Variants in WDR86 observed in about 807,000 individuals in gnomAD.
The protein encoded by WDR86 is WD repeat-containing protein 86.
In WDR86, 30 loss-of-function variants were observed where a neutral mutation model predicts 36.5. The observed-to-expected ratio is 0.82, with a 90% CI of 0.61 to 1.11. The LOEUF (loss-of-function observed/expected upper bound fraction) is 1.11, where lower values mean the gene tolerates loss of function less well. Among genes scored for constraint, WDR86 ranks in the 50% most tolerant of loss-of-function variants. WDR86 has a pLI of 0.00. For synonymous variants in WDR86, 255 were observed against 252.9 expected (o/e 1.01, Z -0.08); for missense variants, 545 against 561.2 (o/e 0.97, Z 0.29).
At chr7:151,374,230 A>G, downstream of WDR86, 1 of 1,556,030 alleles carries the variant, frequency 6.4e-7, no homozygotes, top group Non-Finnish European at 8.7e-7. Flanking sequence ...GGGAACTTGG[A>G]TGAGGCCCTG....
At chr7:151,376,618 C>G (rs763418062), downstream of WDR86, 47 of 1,596,114 alleles carry the variant, frequency 2.9e-5, no homozygotes, top group Non-Finnish European at 3.8e-5. Flanking sequence ...GCTGTGACCC[C>G]TGCGCTCTCC....
intron 2 of WDR86, among the ~76,000 whole-genome samples, chr7:151,397,753 T>G (rs1259647352): frequency 1.0e-5 from 1 of 98,664 alleles, no homozygotes; most frequent in Non-Finnish European, 2.1e-5. Context: ...GAAGAGGGTG[T>G]AGCGGGAGGA....
chr7:151,398,371 CATGTGT>C (rs1006304868), intron 2 of WDR86, among the ~76,000 whole-genome samples: 4 of 151,752 alleles, frequency 2.6e-5, no homozygotes, highest in African/African-American at 4.8e-5. Context: ...TATGTGTGCA[CATGTGT>C]ATGTGTAAGT....
chr7:151,408,753 C>G (rs1800938844), intron 1 of WDR86: 1 of 392,882 alleles, frequency 2.5e-6, no homozygotes, highest in Non-Finnish European at 5.3e-6. Context: ...GAAGGTGCAC[C>G]CGAGGCACAC....
rs891598389 is a variant in WDR86, at chr7:151,409,320, G to C, written c.163+107C>G. 15 of 1,483,132 alleles carry C rather than the reference G, an allele frequency of 1.0e-5. No individual in the cohort carries two copies. In the African/African-American group the frequency reaches 1.5e-4, roughly 15 times the overall value. The allele number at this position is 1,483,132 out of a possible 1,614,324, so 91.9% of individuals were successfully genotyped here. On this transcript the variant is annotated intron_variant, in intron 1 of 5. Coordinates refer to ENST00000334493, the MANE Select transcript of WDR86 (RefSeq NM_198285.3). The surrounding 1 kb of genome is among the most constrained non-coding windows in gnomAD (Gnocchi z 5.2). ...CTTCCGCTAGTGTGCCGGGATGAGC[G>C]GGGGCTGGACTTCTAGAAAGGGGTC...
intron 2 of WDR86, among the ~76,000 whole-genome samples, chr7:151,396,514 G>C (rs1293925190): frequency 6.6e-6 from 1 of 152,180 alleles, no homozygotes; most frequent in African/African-American, 2.4e-5. Context: ...GGATGGGGGA[G>C]GAGGTAGGGG....
At chr7:151,395,205 G>C (rs868406078) in intron 3 of WDR86, among the ~76,000 whole-genome samples, 136 of 152,276 alleles carry the variant, frequency 8.9e-4, no homozygotes, top group Middle Eastern at 3.4e-3. Context: ...GGCTGCCGGC[G>C]TTCACCCTGA....
chr7:151,406,689 G>A lies in WDR86; in HGVS notation c.163+2738C>T, dbSNP rs1203012259. On this transcript the variant is annotated intron_variant, in intron 1 of 5. Transcript: ENST00000334493. The surrounding 1 kb of genome is among the most constrained non-coding windows in gnomAD (Gnocchi z 4.4). ...TGGACAAGTCCTGCCACCGCACCAC[G>A]CCTCGAGGGATGTTGGCGACAGCAC... Among the ~76,000 whole-genome samples the A allele has an allele frequency of 2.6e-5, 4 of 152,070 alleles. No individual in the cohort carries two copies. The highest frequency in any genetic ancestry group is 6.6e-5 in the Admixed American group (1 of 15,266).
At chr7:151,379,319 G>A (rs1798449746), downstream of WDR86, among the ~76,000 whole-genome samples, 2 of 152,160 alleles carry the variant, frequency 1.3e-5, no homozygotes, top group African/African-American at 2.4e-5. Flanking sequence ...GGCAGCCCAT[G>A]CCAGCACAAT....
At position 151,409,541 on chromosome 7, in the gene WDR86, C is replaced by T. The variant is rs1225623310; in HGVS notation, c.49G>A (p.Gly17Ser). Residue 17 changes from glycine (G) to serine (S), a missense_variant, in exon 1 of 6, where the codon GGC becomes AGC. Gly to Ser is a moderately conservative substitution (Grantham distance 56). Transcript: ENST00000334493. This position sits in a 1 kb window ranked among gnomAD's most constrained non-coding sequence, Gnocchi z 5.2. ...ALRVCADHRGGINWLSLSPDG... is the reference protein window; with the variant it reads ...ALRVCADHRGSINWLSLSPDG... ...GGGCTCAGGCTCAGCCAGTTGATGC[C>T]CCCGCGGTGGTCGGCGCAGACCCTC... The T allele has an allele frequency of 1.3e-6, 2 of 1,520,718 alleles. No homozygotes were observed. The highest frequency in any genetic ancestry group is 2.0e-5 in the Admixed American group (1 of 50,198). 94.2% of individuals were successfully genotyped at this position (1,520,718 alleles called of 1,614,324 possible).
rs202041167 is a variant in WDR86, at chr7:151,401,748, T to G, written c.164-1507A>C. Among the ~76,000 whole-genome samples the G allele has an allele frequency of 6.9e-4, 105 of 151,310 alleles. No individual in the cohort carries two copies. In the East Asian group the frequency reaches 0.018, roughly 26 times the overall value. ...AGATTATCCTAGATTATCCGGGGGG[T>G]CCTAAATACAACCGCAAGTGGCCAG... On this transcript the variant is annotated intron_variant, in intron 1 of 5. Transcript: ENST00000334493. This position sits in a 1 kb window ranked among gnomAD's most constrained non-coding sequence, Gnocchi z 4.3.
intron 3 of WDR86, 26 bp downstream of exon 3, chr7:151,395,750 C>T (rs1367305495): frequency 6.6e-7 from 1 of 1,526,242 alleles, no homozygotes; most frequent in East Asian, 2.5e-5. Context: ...CCCCTGGCTG[C>T]TGGGCGGGGA....
chr7:151,404,300 C>G (rs1391113627), intron 1 of WDR86, among the ~76,000 whole-genome samples: 1 of 152,238 alleles, frequency 6.6e-6, no homozygotes, highest in Non-Finnish European at 1.5e-5. Flanking sequence ...TGTGGCAGAG[C>G]CTGGCACTGA....
In WDR86 at chr7:151,381,560, C is replaced by CT. The variant is rs1395067526; in HGVS notation, c.*21_*22insA. On this transcript the variant is annotated 3_prime_UTR_variant, in exon 6 of 6. Coordinates refer to ENST00000334493, the MANE Select transcript of WDR86 (RefSeq NM_198285.3). This position sits in a 1 kb window ranked among gnomAD's most constrained non-coding sequence, Gnocchi z 4.8. Reference sequence around the variant, plus strand: ...GGGAGCCGCTGGGTGTCTGGGCTGGCGTCTGCAGGGGCCCCGCGGGATCAG... The same window carrying CT: ...GGGAGCCGCTGGGTGTCTGGGCTGGCTGTCTGCAGGGGCCCCGCGGGATCAG... The CT allele has an allele frequency of 2.9e-6, 4 of 1,381,212 alleles. No individual in the cohort carries two copies. The South Asian group carries it at 6.6e-5, about 23-fold the overall frequency. The allele number at this position is 1,381,212 out of a possible 1,614,324, so 85.6% of individuals were successfully genotyped here.
downstream of WDR86, chr7:151,377,911 G>C (rs1798378009): frequency 6.6e-6 from 1 of 152,206 alleles, no homozygotes; most frequent in East Asian, 1.9e-4. Context: ...CCTCATTACA[G>C]AAATCTTCTA....
At chr7:151,374,082 G>A, downstream of WDR86, 1 of 1,548,574 alleles carries the variant, frequency 6.5e-7, no homozygotes, top group Admixed American at 2.0e-5. Context: ...ATGGGACTTT[G>A]CTGTTTTCCT....
At chr7:151,376,756 G>A (rs1469161904), downstream of WDR86, 11 of 1,595,710 alleles carry the variant, frequency 6.9e-6, no homozygotes, top group South Asian at 4.5e-5. Context: ...CCGAGCTGCC[G>A]CTGTCGCCAG....
At chr7:151,396,263 A>G (rs1190027136) in intron 2 of WDR86, 67 bp from the exon 3 acceptor site, 11 of 1,563,754 alleles carry the variant, frequency 7.0e-6, no homozygotes, top group Non-Finnish European at 8.8e-6. Context: ...CAGCCTCCCG[A>G]CATGCCATGC....
Position 151,405,069 on chromosome 7 carries a change from A to C in WDR86, c.163+4358T>G, listed in dbSNP as rs1249155919. 5.3e-5 allele frequency among the ~76,000 whole-genome samples: 8 copies of C among 152,002 alleles called. No individual in the cohort carries two copies. The highest frequency in any genetic ancestry group is 1.2e-4 in the Non-Finnish European group (8 of 67,970). On this transcript the variant is annotated intron_variant, in intron 1 of 5. Transcript: ENST00000334493. The surrounding 1 kb of genome is among the most constrained non-coding windows in gnomAD (Gnocchi z 4.7). Reference sequence around the variant, plus strand: ...CAAGGGTTATTTTCACCTGTGGGGGAGGCCCCACTGAGCCTGCTGTCCAGG... The same window carrying C: ...CAAGGGTTATTTTCACCTGTGGGGGCGGCCCCACTGAGCCTGCTGTCCAGG...
Sources: allele counts gnomAD v4.1 joint callset (sites outside exome capture counted in the v4.1 genomes callset), GRCh38; gene constraint gnomAD v4.1.1; non-coding constraint Gnocchi (gnomAD v3.1); transcripts MANE v1.5; gene names NCBI Gene and HGNC (gene_info 2026-07-23, HGNC 2026-07-21).